SH3PXD2B: variants seen among roughly 807,000 people sequenced by gnomAD.
SH3PXD2B encodes SH3 and PX domain-containing protein 2B.
SH3PXD2B carries 37 observed loss-of-function variants against 73.1 expected under a neutral mutation model. That is an observed-to-expected ratio of 0.51 (90% CI 0.39 to 0.67). The LOEUF (loss-of-function observed/expected upper bound fraction) is 0.67, where lower values mean the gene tolerates loss of function less well. Ranked by LOEUF, SH3PXD2B falls within the 30% of genes least tolerant of loss-of-function variation. SH3PXD2B has a pLI of 0.00. For missense variants in SH3PXD2B, 1,053 were observed against 1,197.8 expected (o/e 0.88, Z 1.78); for synonymous variants, 457 against 480.5 (o/e 0.95, Z 0.64).
chr5:172,452,449 G>A (rs1004227316), intron 1 of SH3PXD2B, among the ~76,000 whole-genome samples: 2 of 152,284 alleles, frequency 1.3e-5, no homozygotes, highest in Admixed American at 6.5e-5. Flanking sequence ...TAGGGGTACC[G>A]GATGTGGGAA....
rs1756681273 is a variant in SH3PXD2B, at chr5:172,336,001, T to G, written c.*2368A>C. The G allele has an allele frequency of 4.9e-6, 5 of 1,014,850 alleles. No individual in the cohort carries two copies. Among genetic ancestry groups the G allele is most frequent in the Non-Finnish European group, 5.9e-6 (5 of 849,812 alleles). The allele number at this position is 1,014,850 out of a possible 1,614,324, so 62.9% of individuals were successfully genotyped here. On this transcript the variant is annotated 3_prime_UTR_variant, in exon 13 of 13. Coordinates refer to ENST00000311601, the MANE Select transcript of SH3PXD2B (RefSeq NM_001017995.3). Reference sequence around the variant, plus strand: ...TGCCTAGAGGAAGGCAGGGCAAGTCTGCTCCTACCCAGCTGACCCCCGGGA... The same window carrying G: ...TGCCTAGAGGAAGGCAGGGCAAGTCGGCTCCTACCCAGCTGACCCCCGGGA...
At position 172,338,747 on chromosome 5, in the gene SH3PXD2B, G is replaced by C; in HGVS notation, c.2358C>G (p.His786Gln). ...CTGGGGTGGGAGCTGCCCTGCTTTC[G>C]TGGCCTTCACACTGTGGACCTCTGA... ...PEVRGPQCEG[H>Q]ESRAAPTPGR... The change falls in exon 13 of 13, where the codon CAC becomes CAG. Residue 786 changes from histidine (H) to glutamine (Q), a missense_variant. Physicochemically the swap from His to Gln is conservative, Grantham distance 24. Coordinates refer to ENST00000311601, the MANE Select transcript of SH3PXD2B (RefSeq NM_001017995.3). The surrounding 1 kb of genome is among the most constrained non-coding windows in gnomAD (Gnocchi z 5.1). 6.2e-7 allele frequency: 1 copy of C among 1,614,186 alleles called. No individual in the cohort carries two copies. Among genetic ancestry groups the C allele is most frequent in the South Asian group, 1.1e-5 (1 of 91,080 alleles).
chr5:172,343,507 T>A (rs973526346), intron 12 of SH3PXD2B, among the ~76,000 whole-genome samples: 17 of 152,032 alleles, frequency 1.1e-4, no homozygotes, highest in African/African-American at 3.1e-4. Context: ...TAAAAGCAAA[T>A]GCAAGATCAG....
Position 172,421,009 on chromosome 5 carries a change from T to C in SH3PXD2B, c.156+1407A>G, listed in dbSNP as rs28690956. ...GTTACATCCGCGAAAAAACCTCCTG[T>C]TTACTTCAGCCAGCTTCAGTTGGGT... is the stretch of plus-strand genomic sequence containing the variant. On this transcript the variant is annotated intron_variant, in intron 2 of 12. Coordinates refer to ENST00000311601, the MANE Select transcript of SH3PXD2B (RefSeq NM_001017995.3). The surrounding 1 kb of genome is among the most constrained non-coding windows in gnomAD (Gnocchi z 4.0). Among the ~76,000 whole-genome samples, 7,642 of 152,234 alleles carry C rather than the reference T, an allele frequency of 0.05. 646 individuals are homozygous for C. Among genetic ancestry groups the C allele is most frequent in the African/African-American group, 0.18 (7,267 of 41,522 alleles).
chr5:172,368,526 TTATA>T (rs1234851274), intron 6 of SH3PXD2B, among the ~76,000 whole-genome samples: 1 of 7,102 alleles, frequency 1.4e-4, no homozygotes, highest in South Asian at 5.6e-3. Flanking sequence ...TATATATATA[TTATA>T]TATATATATA....
At chr5:172,433,029 T>C (rs748420470) in intron 1 of SH3PXD2B, among the ~76,000 whole-genome samples, 1 of 152,026 alleles carries the variant, frequency 6.6e-6, no homozygotes, top group Non-Finnish European at 1.5e-5. Flanking sequence ...CGTTTTCCAA[T>C]GACAGACCAC....
At chr5:172,450,284 C>T (rs530019507) in intron 1 of SH3PXD2B, among the ~76,000 whole-genome samples, 20 of 151,144 alleles carry the variant, frequency 1.3e-4, no homozygotes, top group Admixed American at 2.6e-4. Flanking sequence ...GAATGATCAA[C>T]ATCAAATGCA....
chr5:172,412,779 G>T (rs1417824289), intron 2 of SH3PXD2B, among the ~76,000 whole-genome samples: 1 of 152,222 alleles, frequency 6.6e-6, no homozygotes, highest in African/African-American at 2.4e-5. Context: ...CCTAACCCAT[G>T]TCATCCTTGG....
chr5:172,352,749 C>T (rs62385445), intron 9 of SH3PXD2B, among the ~76,000 whole-genome samples: 1 of 152,052 alleles, frequency 6.6e-6, no homozygotes, highest in African/African-American at 2.4e-5. Context: ...TTTCTCTTGC[C>T]GATGCTATGT....
chr5:172,451,198 T>A (rs957270500), intron 1 of SH3PXD2B, among the ~76,000 whole-genome samples: 18 of 152,184 alleles, frequency 1.2e-4, no homozygotes, highest in Admixed American at 1.2e-3. Flanking sequence ...AGTTCTCCAA[T>A]GACATCTACA....
At chr5:172,433,199 G>A (rs2113486929) in intron 1 of SH3PXD2B, among the ~76,000 whole-genome samples, 1 of 152,226 alleles carries the variant, frequency 6.6e-6, no homozygotes. Context: ...CAGGTTTGTA[G>A]CCCAGGAGCC....
chr5:172,328,994 TG>T (rs1756496294), downstream of SH3PXD2B, among the ~76,000 whole-genome samples: 1 of 149,410 alleles, frequency 6.7e-6, no homozygotes, highest in African/African-American at 2.5e-5. Context: ...CATGTTAACA[TG>T]TATAGATACA....
chr5:172,404,703 T>C (rs1257011639), intron 3 of SH3PXD2B, among the ~76,000 whole-genome samples: 2 of 152,254 alleles, frequency 1.3e-5, no homozygotes, highest in African/African-American at 4.8e-5. Context: ...GCTTGATAGC[T>C]GTTAGTGACC....
At position 172,373,760 on chromosome 5, in the gene SH3PXD2B, C is replaced by CGAAGA. The variant is rs766497400; in HGVS notation, c.427+25_427+29dup. On this transcript the variant is annotated intron_variant, in intron 6 of 12. Coordinates refer to ENST00000311601, the MANE Select transcript of SH3PXD2B (RefSeq NM_001017995.3). ...CGGCTGGAGTTTGCCGAAAACTGAACGAAGAGAAGAAAATAGAAAATATTC... is the reference window on the plus strand; with the variant it reads ...CGGCTGGAGTTTGCCGAAAACTGAACGAAGAGAAGAGAAGAAAATAGAAAATATTC... 6.9e-5 allele frequency: 111 copies of CGAAGA among 1,607,482 alleles called. No homozygotes were observed. The African/African-American group carries it at 1.2e-3, about 17-fold the overall frequency.
chr5:172,340,043 C>G lies in SH3PXD2B; in HGVS notation c.1189-127G>C. 6 of 1,526,826 alleles carry G rather than the reference C, an allele frequency of 3.9e-6. No individual in the cohort carries two copies. The South Asian group carries it at 6.0e-5, about 15-fold the overall frequency. The allele number at this position is 1,526,826 out of a possible 1,614,324, so 94.6% of individuals were successfully genotyped here. On this transcript the variant is annotated intron_variant, in intron 12 of 12. Coordinates refer to ENST00000311601, the MANE Select transcript of SH3PXD2B (RefSeq NM_001017995.3). ...ACTGTGTACTCAGCAGCTCCTCTGACAAGGTCTACAGGGACCACCAATGGA... is the reference window on the plus strand; with the variant it reads ...ACTGTGTACTCAGCAGCTCCTCTGAGAAGGTCTACAGGGACCACCAATGGA...
At chr5:172,376,608 CAG>C (rs910581738) in intron 5 of SH3PXD2B, among the ~76,000 whole-genome samples, 20 of 152,256 alleles carry the variant, frequency 1.3e-4, no homozygotes, top group Non-Finnish European at 2.2e-4. Context: ...GGAGGCGCAG[CAG>C]AGTCTGGCCA....
chr5:172,334,284 G>C lies in SH3PXD2B; in HGVS notation c.*4085C>G. ...TCCATGAGCAGGCAAGGACTGTGGA[G>C]CCTCCGGTTCCAGCTCTGCAGCTCT... On this transcript the variant is annotated 3_prime_UTR_variant, in exon 13 of 13. Coordinates refer to ENST00000311601, the MANE Select transcript of SH3PXD2B (RefSeq NM_001017995.3). The C allele has an allele frequency of 3.0e-6, 3 of 1,004,410 alleles. No individual in the cohort carries two copies. The highest frequency in any genetic ancestry group is 3.6e-6 in the Non-Finnish European group (3 of 843,980). 62.2% of individuals were successfully genotyped at this position (1,004,410 alleles called of 1,614,324 possible). A position where few individuals can be genotyped will look rare whatever the true frequency, so the allele number is the denominator to read the frequency against.
At chr5:172,451,402 C>T (rs550132629) in intron 1 of SH3PXD2B, among the ~76,000 whole-genome samples, 2 of 152,230 alleles carry the variant, frequency 1.3e-5, no homozygotes, top group African/African-American at 4.8e-5. Flanking sequence ...GGACATGCAG[C>T]AATCAATGCC....
chr5:172,352,773 C>T (rs535865022), intron 9 of SH3PXD2B, among the ~76,000 whole-genome samples: 1 of 152,296 alleles, frequency 6.6e-6, no homozygotes, highest in Admixed American at 6.5e-5. Context: ...AAATGCTTTT[C>T]ACCTCCCGCC....
Sources: gnomAD v4.1 joint callset for allele counts (sites outside exome capture counted in the v4.1 genomes callset) on GRCh38, gnomAD v4.1.1 for gene constraint, Gnocchi (gnomAD v3.1) non-coding constraint, MANE v1.5 for transcripts, NCBI Gene and HGNC (gene_info 2026-07-23, HGNC 2026-07-21) for gene names.